RELN: variants seen among roughly 807,000 people sequenced by gnomAD.
The protein encoded by RELN is reelin.
A neutral mutation model predicts 427.6 loss-of-function variants in RELN; 108 were observed. The ratio of observed to expected loss-of-function variants is 0.25; its 90% CI spans 0.22 to 0.30. The LOEUF is 0.30. Among genes scored for constraint, RELN ranks in the 10% least tolerant of loss-of-function variants. RELN has a pLI of 1.00. For missense variants in RELN, 3,715 were observed against 4,302.8 expected, an observed-to-expected ratio of 0.86 and a Z score of 3.82; for synonymous variants, 1,524 against 1,513.4, an observed-to-expected ratio of 1.01 and a Z score of -0.16.
intron 31 of RELN, among the ~76,000 whole-genome samples, chr7:103,570,828 T>A (rs1473325458): frequency 2.0e-5 from 3 of 152,198 alleles, no homozygotes; most frequent in Non-Finnish European, 2.9e-5. Context: ...CACTGATATT[T>A]AGAGGTTTAT....
intron 3 of RELN, among the ~76,000 whole-genome samples, chr7:103,806,687 A>G (rs1792608937): frequency 6.6e-6 from 1 of 152,194 alleles, no homozygotes; most frequent in Non-Finnish European, 1.5e-5. Context: ...GAAGAAAAAC[A>G]GTGACTTGAG....
intron 1 of RELN, among the ~76,000 whole-genome samples, chr7:103,975,712 ATTTTT>A (rs1187478144): frequency 8.2e-6 from 1 of 122,028 alleles, no homozygotes. Flanking sequence ...CGCCTGGCTG[ATTTTT>A]TTTTTTTTTT....
intron 1 of RELN, among the ~76,000 whole-genome samples, chr7:103,936,184 C>T (rs1466993418): frequency 1.3e-5 from 2 of 151,762 alleles, no homozygotes; most frequent in African/African-American, 4.8e-5. Context: ...CCTCCACCTC[C>T]CAGGTGCAAG....
At chr7:103,949,464 A>G (rs1004955805) in intron 1 of RELN, among the ~76,000 whole-genome samples, 1 of 152,026 alleles carries the variant, frequency 6.6e-6, no homozygotes, top group Non-Finnish European at 1.5e-5. Flanking sequence ...ATAAACGAGG[A>G]GCCCTCACGA....
intron 61 of RELN, among the ~76,000 whole-genome samples, chr7:103,485,443 A>G (rs540783749): frequency 6.6e-6 from 1 of 152,268 alleles, no homozygotes; most frequent in Non-Finnish European, 1.5e-5. Context: ...CTAATTCTCA[A>G]ATATTCTCAT....
intron 8 of RELN, among the ~76,000 whole-genome samples, chr7:103,707,664 A>G (rs570080981): frequency 6.6e-6 from 1 of 152,118 alleles, no homozygotes; most frequent in Admixed American, 6.5e-5. Flanking sequence ...ACATCCAGCT[A>G]ATTTTTGTAT....
chr7:103,525,837 A>G (rs1242916811), intron 46 of RELN, among the ~76,000 whole-genome samples: 1 of 152,078 alleles, frequency 6.6e-6, no homozygotes, highest in African/African-American at 2.4e-5. Context: ...TCTTACACAT[A>G]CTTCACCAAA....
intron 11 of RELN, among the ~76,000 whole-genome samples, chr7:103,675,857 C>T (rs974521276): frequency 6.6e-6 from 1 of 152,164 alleles, no homozygotes; most frequent in Non-Finnish European, 1.5e-5. Context: ...GAAACTGGAT[C>T]CCTTCCTTAC....
chr7:103,833,572 A>G lies in RELN; in HGVS notation c.438T>C (p.Ile146=). 6.2e-7 allele frequency: 1 copy of G among 1,614,092 alleles called. No homozygotes were observed. Among genetic ancestry groups the G allele is most frequent in the South Asian group, 1.1e-5 (1 of 91,084 alleles). ...LPTTNLSFIW[I]APPAGTGCVN... ...CACAGCCTGTGCCCGCAGGTGGAGC[A>G]ATCCAGATGAAACTGAGGTTGGTTG... The change falls in exon 3 of 65, where the codon ATT becomes ATC. Residue 146 remains isoleucine (I), a synonymous_variant. Transcript: ENST00000428762.
At chr7:103,732,802 G>T (rs1220423949) in intron 6 of RELN, among the ~76,000 whole-genome samples, 1 of 152,056 alleles carries the variant, frequency 6.6e-6, no homozygotes, top group Non-Finnish European at 1.5e-5. Context: ...GTGCAGTGAG[G>T]TATTTAACCC....
chr7:103,572,017 T>G (rs1180907231), intron 31 of RELN, among the ~76,000 whole-genome samples, 167 bp downstream of exon 31: 1 of 152,310 alleles, frequency 6.6e-6, no homozygotes, highest in South Asian at 2.1e-4. Context: ...ACAAGAAATC[T>G]TAGAGATCTT....
intron 2 of RELN, among the ~76,000 whole-genome samples, chr7:103,907,175 T>G (rs1394432682): frequency 6.6e-6 from 1 of 151,630 alleles, no homozygotes; most frequent in Non-Finnish European, 1.5e-5. Flanking sequence ...CCCAACACCT[T>G]GGGAGGCCGA....
rs1405792556 is a variant in RELN, at chr7:103,496,599, C to T, written c.9120G>A (p.Gln3040=). 2 of 1,614,174 alleles carry T rather than the reference C, an allele frequency of 1.2e-6. No homozygotes were observed. The highest frequency in any genetic ancestry group is 1.1e-5 in the South Asian group (1 of 91,084). Residue 3040 remains glutamine (Q), a synonymous_variant, in exon 56 of 65, where the codon CAG becomes CAA. Transcript: ENST00000428762. ...CAATCAAAATGTTGTCCAGTGCCCA[C>T]TGAGCACGCTCCACCCCAGAGACCA... is the stretch of plus-strand genomic sequence containing the variant. ...GIVVSGVERA[Q]WALDNILIGG... is the part of the protein sequence containing the mutation.
At chr7:103,478,291 TA>T (rs1372591689) in intron 64 of RELN, 97 bp downstream of exon 64, 1 of 628,534 alleles carries the variant, frequency 1.6e-6, no homozygotes, top group African/African-American at 1.9e-5. Context: ...TTTTTTTTTT[TA>T]GTTGCAAAGG....
rs1830456208 is a variant in RELN at position 103,553,496 on chromosome 7, G to A, written c.6037C>T (p.Leu2013=). The A allele has an allele frequency of 6.2e-7, 1 of 1,613,668 alleles. No individual in the cohort carries two copies. The highest frequency in any genetic ancestry group is 1.7e-5 in the Admixed American group (1 of 59,992). ...VGEHSITTRD[L]NVNENTIIQF... Reference sequence around the variant, plus strand: ...ATGATGGTGTTCTCATTCACATTTAGGTCACGGGTGGTAATGGAATGCTCA... The same window carrying A: ...ATGATGGTGTTCTCATTCACATTTAAGTCACGGGTGGTAATGGAATGCTCA... Residue 2013 remains leucine, a synonymous_variant, in exon 40 of 65, where the codon CTA becomes TTA. Transcript: ENST00000428762.
At position 103,613,169 on chromosome 7, in the gene RELN, T is replaced by C. The variant is rs185019903; in HGVS notation, c.2703-1366A>G. 8.5e-3 allele frequency among the ~76,000 whole-genome samples: 1,300 copies of C among 152,248 alleles called. 9 individuals are homozygous for C. Among genetic ancestry groups the C allele is most frequent in the Non-Finnish European group, 0.014 (960 of 68,006 alleles). ...TATTTCTTTTTAACAGATGAGAAAA[T>C]GGGGCTAGTAAATGGGATACTCAAT... On this transcript the variant is annotated intron_variant, in intron 20 of 64. Transcript: ENST00000428762.
In RELN at chr7:103,561,907, C is replaced by G; in HGVS notation, c.5257G>C (p.Gly1753Arg). The G allele has an allele frequency of 1.2e-6, 2 of 1,612,724 alleles. No homozygotes were observed. Among genetic ancestry groups the G allele is most frequent in the Non-Finnish European group, 1.7e-6 (2 of 1,179,710 alleles). ...FRWIQANYTVGADSWAIDNVV... is the reference protein window; with the variant it reads ...FRWIQANYTVRADSWAIDNVV... ...TTATCAATCGCCCAGGAATCAGCCCCCACAGTGTAGTTGGCCTGAATCCAT... is the reference window on the plus strand; with the variant it reads ...TTATCAATCGCCCAGGAATCAGCCCGCACAGTGTAGTTGGCCTGAATCCAT... The change falls in exon 35 of 65, where the codon GGG (glycine) becomes CGG (arginine). Residue 1753 changes from glycine (G) to arginine (R), a missense_variant. Physicochemically the swap from Gly to Arg is moderately radical, Grantham distance 125. Coordinates refer to ENST00000428762, the MANE Select transcript of RELN (RefSeq NM_005045.4).
At chr7:103,618,385 A>G (rs1832133281) in intron 20 of RELN, among the ~76,000 whole-genome samples, 1 of 152,206 alleles carries the variant, frequency 6.6e-6, no homozygotes, top group Non-Finnish European at 1.5e-5. Flanking sequence ...CCTTCTGTGT[A>G]GAAGAGGCAG....
chr7:103,978,284 T>G (rs1363766964), intron 1 of RELN, among the ~76,000 whole-genome samples: 2 of 152,282 alleles, frequency 1.3e-5, no homozygotes, highest in South Asian at 4.1e-4. Context: ...GAGTTCAACT[T>G]TTTTCAGATT....
Sources: gnomAD v4.1 joint callset for allele counts (sites outside exome capture counted in the v4.1 genomes callset) on GRCh38, gnomAD v4.1.1 for gene constraint, MANE v1.5 for transcripts, NCBI Gene and HGNC (gene_info 2026-07-23, HGNC 2026-07-21) for gene names.